The following CAMK4 variants were observed in gnomAD, a reference collection of about 807,000 sequenced individuals.
CAMK4 encodes the protein calcium/calmodulin dependent protein kinase IV, also known as calcium/calmodulin-dependent protein kinase type IV.
A neutral mutation model predicts 44.9 loss-of-function variants in CAMK4; 22 were observed. That is an observed-to-expected ratio of 0.49 (90% confidence interval 0.35 to 0.70). The LOEUF is 0.70. Among genes scored for constraint, CAMK4 ranks in the 30% least tolerant of loss-of-function variants. The pLI, the probability that CAMK4 is intolerant of heterozygous loss-of-function variation, is 0.01. For synonymous variants in CAMK4, 218 were observed against 215.4 expected, an observed-to-expected ratio of 1.01 and a Z score of -0.11; for missense variants, 498 against 586.8, an observed-to-expected ratio of 0.85 and a Z score of 1.56.
chr5:111,408,226 T>C (rs1204644730), intron 5 of CAMK4, among the ~76,000 whole-genome samples: 2 of 152,126 alleles, frequency 1.3e-5, no homozygotes, highest in Non-Finnish European at 2.9e-5. Context: ...CTAAGGATGG[T>C]GTATTAGTCT....
intron 1 of CAMK4, among the ~76,000 whole-genome samples, chr5:111,262,673 T>A (rs1443798961): frequency 6.6e-6 from 1 of 152,230 alleles, no homozygotes; most frequent in African/African-American, 2.4e-5. Flanking sequence ...CATGTGGCTT[T>A]TTATATTCCA....
chr5:111,251,274 G>T (rs1421027068), intron 1 of CAMK4, among the ~76,000 whole-genome samples: 2 of 152,208 alleles, frequency 1.3e-5, no homozygotes, highest in African/African-American at 4.8e-5. Context: ...TTGACCAAAA[G>T]AATGATATCC....
At chr5:111,337,347 T>C (rs1749449296) in intron 1 of CAMK4, among the ~76,000 whole-genome samples, 1 of 151,348 alleles carries the variant, frequency 6.6e-6, no homozygotes, top group Admixed American at 6.6e-5. Context: ...AACATTGTTT[T>C]GATCTTACTT....
chr5:111,298,603 G>A (rs1747588014), intron 1 of CAMK4, among the ~76,000 whole-genome samples: 3 of 152,192 alleles, frequency 2.0e-5, no homozygotes, highest in Admixed American at 2.0e-4. Context: ...GGTTTGTGCA[G>A]GTGCGACTAG....
At chr5:111,438,320 C>T (rs926095045) in intron 5 of CAMK4, among the ~76,000 whole-genome samples, 1 of 152,112 alleles carries the variant, frequency 6.6e-6, no homozygotes, top group African/African-American at 2.4e-5. Context: ...CATGGAATGA[C>T]CTTTAATTCT....
chr5:111,367,252 C>T (rs1227249928), intron 2 of CAMK4, among the ~76,000 whole-genome samples: 1 of 151,370 alleles, frequency 6.6e-6, no homozygotes, highest in East Asian at 1.9e-4. Context: ...GCTTGTGTCA[C>T]AGAGAGAAAC....
intron 2 of CAMK4, among the ~76,000 whole-genome samples, chr5:111,363,996 A>G (rs1435730902): frequency 1.3e-5 from 2 of 152,114 alleles, no homozygotes; most frequent in Non-Finnish European, 2.9e-5. Context: ...ATATTATAAC[A>G]TTGCTGTTGC....
chr5:111,319,850 A>C (rs956065640), intron 1 of CAMK4, among the ~76,000 whole-genome samples: 1 of 152,158 alleles, frequency 6.6e-6, no homozygotes, highest in Non-Finnish European at 1.5e-5. Flanking sequence ...ATTAAAAAAA[A>C]CTGTCTAAAC....
intron 5 of CAMK4, among the ~76,000 whole-genome samples, chr5:111,403,328 G>A (rs986905079): frequency 1.3e-5 from 2 of 152,262 alleles, no homozygotes; most frequent in East Asian, 1.9e-4. Context: ...GTTCAAGTAC[G>A]TAATGAAAGG....
chr5:111,392,600 A>G (rs1751842246), intron 4 of CAMK4, among the ~76,000 whole-genome samples: 1 of 152,190 alleles, frequency 6.6e-6, no homozygotes, highest in African/African-American at 2.4e-5. Context: ...AAAAATTAAA[A>G]TTAAAGAGGA....
At chr5:111,443,290 A>G (rs1280546586) in intron 5 of CAMK4, among the ~76,000 whole-genome samples, 7 of 124,284 alleles carry the variant, frequency 5.6e-5, no homozygotes, top group African/African-American at 2.4e-4. Context: ...ACACACACAC[A>G]CACACACACA....
chr5:111,354,882 T>C (rs1750269538), intron 2 of CAMK4, among the ~76,000 whole-genome samples: 1 of 152,078 alleles, frequency 6.6e-6, no homozygotes, highest in Non-Finnish European at 1.5e-5. Flanking sequence ...GATTCCCTGC[T>C]CTGTCTTTTT....
intron 1 of CAMK4, among the ~76,000 whole-genome samples, chr5:111,325,707 C>T (rs1440564573): frequency 2.0e-5 from 3 of 152,060 alleles, no homozygotes; most frequent in Non-Finnish European, 2.9e-5. Flanking sequence ...ATATCCTTCG[C>T]CCACTTTTTG....
chr5:111,363,337 A>AT (rs1489794808), intron 2 of CAMK4, among the ~76,000 whole-genome samples: 1 of 151,856 alleles, frequency 6.6e-6, no homozygotes, highest in Non-Finnish European at 1.5e-5. Context: ...TTAAACCAGA[A>AT]TTTTTTTTCT....
intron 1 of CAMK4, among the ~76,000 whole-genome samples, chr5:111,292,686 T>C (rs1248256778): frequency 1.3e-5 from 2 of 151,986 alleles, no homozygotes; most frequent in African/African-American, 4.8e-5. Context: ...CTCTGAGAGG[T>C]TGGGGTGGGA....
intron 1 of CAMK4, among the ~76,000 whole-genome samples, chr5:111,292,204 A>G (rs1747294352): frequency 1.3e-5 from 2 of 152,306 alleles, no homozygotes; most frequent in South Asian, 4.1e-4. Context: ...TATCTCCATG[A>G]TATCACCCTC....
intron 7 of CAMK4, chr5:111,449,700 G>T (rs552106893): frequency 6.6e-6 from 1 of 152,340 alleles, no homozygotes; most frequent in Admixed American, 6.5e-5. Context: ...TCCAGTCCCT[G>T]CAGATGGACC....
intron 2 of CAMK4, among the ~76,000 whole-genome samples, chr5:111,348,539 AATAT>A (rs926163474): frequency 2.0e-4 from 31 of 152,060 alleles, no homozygotes; most frequent in Non-Finnish European, 2.5e-4. Context: ...TCATGTATTT[AATAT>A]ATAGAGACCT....
At chr5:111,382,044 A>G (rs780535056) in intron 4 of CAMK4, among the ~76,000 whole-genome samples, 7 of 152,166 alleles carry the variant, frequency 4.6e-5, no homozygotes, top group Non-Finnish European at 1.0e-4. Flanking sequence ...TCTCTTGCAC[A>G]TCATTTCCAA....
Sources: gnomAD v4.1 joint callset for allele counts (sites outside exome capture counted in the v4.1 genomes callset) on GRCh38, gnomAD v4.1.1 for gene constraint, MANE v1.5 for transcripts, NCBI Gene and HGNC (gene_info 2026-07-23, HGNC 2026-07-21) for gene names.